Variants in PSTPIP2 observed in about 807,000 individuals in gnomAD.
The protein encoded by PSTPIP2 is proline-serine-threonine phosphatase-interacting protein 2.
A neutral mutation model predicts 63.3 loss-of-function variants in PSTPIP2; 33 were observed. The observed-to-expected ratio is 0.52, with a 90% CI of 0.40 to 0.70. The LOEUF is 0.70. Ranked by LOEUF, PSTPIP2 falls within the 30% of genes least tolerant of loss-of-function variation. The pLI, the probability that PSTPIP2 is intolerant of heterozygous loss-of-function variation, is 0.00. For missense variants in PSTPIP2, 312 were observed against 400.7 expected, an observed-to-expected ratio of 0.78 and a Z score of 1.89; for synonymous variants, 125 against 132.7, an observed-to-expected ratio of 0.94 and a Z score of 0.40.
chr18:46,021,848 C>CAAAAAAAAAAAAAAAAAAAAA, intron 3 of PSTPIP2, among the ~76,000 whole-genome samples: 1 of 33,286 alleles, frequency 3.0e-5, no homozygotes, highest in Non-Finnish European at 6.6e-5. Flanking sequence ...GACTCTGTCT[C>CAAAAAAAAAAAAAAAAAAAAA]AAAAAAAAAA....
chr18:46,023,070 C>G (rs566420296), intron 3 of PSTPIP2, among the ~76,000 whole-genome samples: 7 of 152,190 alleles, frequency 4.6e-5, no homozygotes, highest in Admixed American at 3.3e-4. Context: ...ATGATGAGAA[C>G]ACATGGACAC....
intron 1 of PSTPIP2, among the ~76,000 whole-genome samples, chr18:46,055,906 T>C (rs1204070574): frequency 1.3e-5 from 2 of 152,184 alleles, no homozygotes; most frequent in African/African-American, 4.8e-5. Context: ...ATTAGGAAAA[T>C]AAAGGTAGAG....
At chr18:46,000,395 C>G (rs1287212291) in intron 6 of PSTPIP2, among the ~76,000 whole-genome samples, 2 of 152,144 alleles carry the variant, frequency 1.3e-5, no homozygotes, top group Non-Finnish European at 2.9e-5. Context: ...GAGACAGAGT[C>G]TAGCTTTGTC....
In PSTPIP2 at chr18:45,984,002, G is replaced by A. The variant is rs2144050501; in HGVS notation, c.*1457C>T. 6.6e-6 allele frequency: 1 copy of A among 152,294 alleles called. No homozygotes were observed. Among genetic ancestry groups the A allele is most frequent in the South Asian group, 2.1e-4 (1 of 4,820 alleles). 9.4% of individuals were successfully genotyped at this position (152,294 alleles called of 1,614,324 possible). A position where few individuals can be genotyped will look rare whatever the true frequency, so the allele number is the denominator to read the frequency against. On this transcript the variant is annotated 3_prime_UTR_variant, in exon 15 of 15. Transcript: ENST00000409746. Reference sequence around the variant, plus strand: ...TCTTTACTAAAAATACAAAAAATTAGCCAGGTGTGGTGGTGGGTGCCTGTA... The same window carrying A: ...TCTTTACTAAAAATACAAAAAATTAACCAGGTGTGGTGGTGGGTGCCTGTA...
chr18:46,038,115 C>T (rs552847376), intron 2 of PSTPIP2, among the ~76,000 whole-genome samples: 1 of 152,236 alleles, frequency 6.6e-6, no homozygotes, highest in South Asian at 2.1e-4. Context: ...GGCTAGAGGG[C>T]AGTGGTGCAA....
chr18:46,037,072 C>T (rs1259936172), intron 2 of PSTPIP2, among the ~76,000 whole-genome samples: 7 of 152,088 alleles, frequency 4.6e-5, no homozygotes, highest in Non-Finnish European at 7.4e-5. Flanking sequence ...TTATCTTTGC[C>T]CCTGTATTTG....
At position 45,986,435 on chromosome 18, in the gene PSTPIP2, C is replaced by A. The variant is rs1036280922; in HGVS notation, c.*9-985G>T. Among the ~76,000 whole-genome samples, 24 of 152,172 alleles carry A rather than the reference C, an allele frequency of 1.6e-4. 1 individual carries two copies. The highest frequency in any genetic ancestry group is 4.4e-5 in the Non-Finnish European group (3 of 68,014). ...TACTATTAAGCTACTAGAATATATT[C>A]TTTACCCAAACAAGTAAGAACAGAA... On this transcript the variant is annotated intron_variant, in intron 14 of 14. Transcript: ENST00000409746.
chr18:46,053,477 C>T (rs1404578732), intron 1 of PSTPIP2, among the ~76,000 whole-genome samples: 1 of 152,186 alleles, frequency 6.6e-6, no homozygotes, highest in Non-Finnish European at 1.5e-5. Context: ...CCTCCTCTAA[C>T]TTGCTGATTT....
chr18:46,049,695 C>A lies in PSTPIP2; in HGVS notation c.34-9648G>T, dbSNP rs141691251. Among the ~76,000 whole-genome samples the A allele has an allele frequency of 1.0e-2, 1,521 of 152,254 alleles. 30 individuals are homozygous for A. Among genetic ancestry groups the A allele is most frequent in the African/African-American group, 0.035 (1,449 of 41,540 alleles). ...AGGAGATTGAGACCATCCTGGCCAA[C>A]ATGGCGAAACCCCGTCTCTGCTAAA... On this transcript the variant is annotated intron_variant, in intron 1 of 14. Transcript: ENST00000409746.
At chr18:46,056,689 T>C (rs2144127116) in intron 1 of PSTPIP2, among the ~76,000 whole-genome samples, 1 of 152,334 alleles carries the variant, frequency 6.6e-6, no homozygotes, top group Admixed American at 6.5e-5. Flanking sequence ...GTTGCACCAC[T>C]GCACTCCAGC....
chr18:46,065,293 TA>T (rs201133617), intron 1 of PSTPIP2, among the ~76,000 whole-genome samples: 2,681 of 149,262 alleles, frequency 0.018, 73 homozygotes, highest in African/African-American at 0.062. Context: ...AAATAAGTTA[TA>T]ATTTTTTTTT....
intron 1 of PSTPIP2, among the ~76,000 whole-genome samples, chr18:46,048,561 A>C (rs1471735137): frequency 6.6e-6 from 1 of 152,120 alleles, no homozygotes; most frequent in Non-Finnish European, 1.5e-5. Context: ...ACACAGCATC[A>C]CTCCTGCCTT....
At chr18:46,035,806 A>T (rs1476553243) in intron 2 of PSTPIP2, among the ~76,000 whole-genome samples, 1 of 152,154 alleles carries the variant, frequency 6.6e-6, no homozygotes, top group Non-Finnish European at 1.5e-5. Flanking sequence ...GGGTTCTGTC[A>T]CTTTCTAGAT....
At chr18:46,030,971 G>A (rs1352810418) in intron 2 of PSTPIP2, among the ~76,000 whole-genome samples, 1 of 152,150 alleles carries the variant, frequency 6.6e-6, no homozygotes, top group Non-Finnish European at 1.5e-5. Flanking sequence ...CAATAACTTA[G>A]CCAGGATGTG....
At chr18:46,061,639 A>G (rs1002964828) in intron 1 of PSTPIP2, among the ~76,000 whole-genome samples, 2 of 152,218 alleles carry the variant, frequency 1.3e-5, no homozygotes, top group African/African-American at 4.8e-5. Context: ...GTAGATGAGG[A>G]AACCTGAGCT....
intron 3 of PSTPIP2, 61 bp from the exon 4 acceptor site, chr18:46,015,998 T>A: frequency 6.4e-7 from 1 of 1,553,164 alleles, no homozygotes; most frequent in Non-Finnish European, 8.8e-7. Context: ...AATCTTATTA[T>A]AATGCCTTTG....
intron 1 of PSTPIP2, among the ~76,000 whole-genome samples, chr18:46,045,216 G>A (rs1209983995): frequency 6.6e-6 from 1 of 152,192 alleles, no homozygotes; most frequent in Non-Finnish European, 1.5e-5. Context: ...GCACACGTAT[G>A]TTTATTGCGG....
intron 1 of PSTPIP2, 127 bp downstream of exon 1, chr18:46,072,029 G>T (rs1568237179): frequency 3.2e-6 from 4 of 1,255,324 alleles, no homozygotes; most frequent in Admixed American, 4.0e-5. Context: ...CGCGAGCTCC[G>T]CCAAGCCCCC....
chr18:46,052,021 C>A (rs752721118), intron 1 of PSTPIP2, among the ~76,000 whole-genome samples: 1 of 152,160 alleles, frequency 6.6e-6, no homozygotes, highest in Non-Finnish European at 1.5e-5. Context: ...AAGACAGGAG[C>A]GGGGAGGCAG....
Sources: gnomAD v4.1 joint callset for allele counts (sites outside exome capture counted in the v4.1 genomes callset) on GRCh38, gnomAD v4.1.1 for gene constraint, MANE v1.5 for transcripts, NCBI Gene and HGNC (gene_info 2026-07-23, HGNC 2026-07-21) for gene names.